Variants in LRRC4C observed in about 807,000 individuals in gnomAD.
LRRC4C encodes the protein leucine rich repeat containing 4C.
A neutral mutation model predicts 33.6 loss-of-function variants in LRRC4C; 5 were observed. The observed-to-expected ratio is 0.15, with a 90% confidence interval of 0.08 to 0.31. LRRC4C has a LOEUF of 0.31. Ranked by LOEUF, LRRC4C falls within the 10% of genes least tolerant of loss-of-function variation. LRRC4C has a pLI of 1.00. For missense variants in LRRC4C, 560 were observed against 796.7 expected, an observed-to-expected ratio of 0.70 and a Z score of 3.58; for synonymous variants, 329 against 302.0, an observed-to-expected ratio of 1.09 and a Z score of -0.93.
chr11:40,147,746 T>C (rs1184551748), intron 5 of LRRC4C, among the ~76,000 whole-genome samples: 2 of 152,198 alleles, frequency 1.3e-5, no homozygotes, highest in African/African-American at 2.4e-5. Context: ...TTTTTCTTTT[T>C]ATGTAACTTT....
intron 1 of LRRC4C, among the ~76,000 whole-genome samples, chr11:41,452,105 A>T (rs1461091594): frequency 6.6e-6 from 1 of 152,006 alleles, no homozygotes; most frequent in East Asian, 1.9e-4. Context: ...TATATGGATT[A>T]TTTTCTTTAC....
chr11:40,732,025 C>T (rs1947610013), intron 2 of LRRC4C, among the ~76,000 whole-genome samples: 1 of 149,646 alleles, frequency 6.7e-6, no homozygotes, highest in African/African-American at 2.5e-5. Flanking sequence ...ACCTCCTTGC[C>T]TGGGAAGTAA....
chr11:40,743,346 C>A (rs11036058), intron 2 of LRRC4C, among the ~76,000 whole-genome samples: 28,492 of 151,962 alleles, frequency 0.19, 2,804 homozygotes, highest in Non-Finnish European at 0.21. Flanking sequence ...AACAAACTAT[C>A]ATAAGCTGTT....
intron 1 of LRRC4C, among the ~76,000 whole-genome samples, chr11:41,384,343 G>C (rs537725995): frequency 1.3e-5 from 2 of 151,864 alleles, no homozygotes; most frequent in South Asian, 4.2e-4. Flanking sequence ...TTATTCATTT[G>C]AGTAGTACAG....
At chr11:40,536,740 A>G (rs1565483792) in intron 3 of LRRC4C, among the ~76,000 whole-genome samples, 1 of 151,806 alleles carries the variant, frequency 6.6e-6, no homozygotes, top group South Asian at 2.1e-4. Flanking sequence ...TTTCTCCTTT[A>G]GGTGAACACA....
At chr11:41,051,175 GCT>G (rs1422801050) in intron 1 of LRRC4C, among the ~76,000 whole-genome samples, 2 of 152,074 alleles carry the variant, frequency 1.3e-5, no homozygotes, top group East Asian at 3.9e-4. Flanking sequence ...AATTCCAAAA[GCT>G]CTCTGCTGTT....
At chr11:40,845,634 T>G (rs1423266519) in intron 2 of LRRC4C, among the ~76,000 whole-genome samples, 3 of 152,212 alleles carry the variant, frequency 2.0e-5, no homozygotes, top group Non-Finnish European at 2.9e-5. Context: ...AGTGGTGCAA[T>G]AAACATACCT....
At chr11:41,115,366 T>TC (rs1039659518) in intron 1 of LRRC4C, among the ~76,000 whole-genome samples, 1 of 150,522 alleles carries the variant, frequency 6.6e-6, no homozygotes, top group Non-Finnish European at 1.5e-5. Flanking sequence ...GTTCCCTATA[T>TC]CCCCCCATCT....
At chr11:40,848,743 G>A (rs1953327492) in intron 2 of LRRC4C, among the ~76,000 whole-genome samples, 1 of 152,090 alleles carries the variant, frequency 6.6e-6, no homozygotes, top group South Asian at 2.1e-4. Context: ...TGACAGTGGG[G>A]TGTTAAATTC....
At chr11:40,817,270 C>T (rs1951744015) in intron 2 of LRRC4C, among the ~76,000 whole-genome samples, 1 of 152,012 alleles carries the variant, frequency 6.6e-6, no homozygotes, top group Admixed American at 6.6e-5. Flanking sequence ...TCTTTTTCAT[C>T]ATAATAAAAT....
intron 1 of LRRC4C, among the ~76,000 whole-genome samples, chr11:41,070,275 A>G (rs947168307): frequency 6.6e-6 from 1 of 152,128 alleles, no homozygotes; most frequent in Non-Finnish European, 1.5e-5. Flanking sequence ...CTCAAGATGG[A>G]TTAACAACTT....
At chr11:41,074,544 C>G (rs534737311) in intron 1 of LRRC4C, among the ~76,000 whole-genome samples, 1 of 152,306 alleles carries the variant, frequency 6.6e-6, no homozygotes, top group South Asian at 2.1e-4. Context: ...AGCACTTACT[C>G]CTCTAACCAC....
intron 1 of LRRC4C, among the ~76,000 whole-genome samples, chr11:41,272,625 G>A (rs960807750): frequency 2.0e-5 from 3 of 151,886 alleles, no homozygotes; most frequent in Non-Finnish European, 2.9e-5. Flanking sequence ...TTCATAGCAC[G>A]TATTAAAAAA....
intron 1 of LRRC4C, among the ~76,000 whole-genome samples, chr11:41,246,317 G>A (rs1948450724): frequency 6.6e-6 from 1 of 152,198 alleles, no homozygotes; most frequent in South Asian, 2.1e-4. Context: ...TACACACCTG[G>A]CTGGGTCATG....
At chr11:40,220,373 T>A (rs1187329083) in intron 5 of LRRC4C, among the ~76,000 whole-genome samples, 1 of 152,194 alleles carries the variant, frequency 6.6e-6, no homozygotes, top group Non-Finnish European at 1.5e-5. Flanking sequence ...ACAGATAGAT[T>A]ACTACTGGAT....
At chr11:40,165,110 A>C (rs1210278923) in intron 5 of LRRC4C, among the ~76,000 whole-genome samples, 1 of 152,252 alleles carries the variant, frequency 6.6e-6, no homozygotes, top group East Asian at 1.9e-4. Context: ...GCATGATAGC[A>C]TATGAAACAA....
At chr11:40,608,269 A>G (rs1960840924) in intron 3 of LRRC4C, among the ~76,000 whole-genome samples, 1 of 152,200 alleles carries the variant, frequency 6.6e-6, no homozygotes, top group Non-Finnish European at 1.5e-5. Flanking sequence ...GTAAAAGTGT[A>G]GAGTGCTTTT....
chr11:41,420,264 C>T (rs1954829304), intron 1 of LRRC4C, among the ~76,000 whole-genome samples: 1 of 151,910 alleles, frequency 6.6e-6, no homozygotes, highest in South Asian at 2.1e-4. Flanking sequence ...CCCCTCCTCA[C>T]CATGCCACAA....
intron 5 of LRRC4C, among the ~76,000 whole-genome samples, chr11:40,197,318 C>A (rs549660903): frequency 6.6e-6 from 1 of 152,026 alleles, no homozygotes; most frequent in African/African-American, 2.4e-5. Context: ...TTAATCAGAC[C>A]GGCACTCACC....
Sources: gnomAD v4.1 joint callset for allele counts (sites outside exome capture counted in the v4.1 genomes callset) on GRCh38, gnomAD v4.1.1 for gene constraint, MANE v1.5 for transcripts, NCBI Gene and HGNC (gene_info 2026-07-23, HGNC 2026-07-21) for gene names.